Variants in SDK2 observed in about 807,000 individuals in gnomAD.
SDK2 encodes the protein protein sidekick-2.
Under a neutral mutation model 253.9 loss-of-function variants are expected in SDK2, and 105 were observed. That is an observed-to-expected ratio of 0.41 (90% confidence interval 0.35 to 0.49). The LOEUF (loss-of-function observed/expected upper bound fraction) is 0.49, where lower values mean the gene tolerates loss of function less well. SDK2 is among the 20% of genes least tolerant of loss of function. The pLI, the probability that SDK2 is intolerant of heterozygous loss-of-function variation, is 0.06. For synonymous variants in SDK2, 1,249 were observed against 1,234.9 expected, an observed-to-expected ratio of 1.01 and a Z score of -0.24; for missense variants, 2,608 against 3,003.0, an observed-to-expected ratio of 0.87 and a Z score of 3.07.
rs963328481 is a variant in SDK2, at chr17:73,541,169, C to G, written c.65-33572G>C. ...CCTCAGAGCAGCTGTGAGGACAGCT[C>G]TGGCTGGGGAGAGGCAGCTGGGCCC... is the stretch of plus-strand genomic sequence containing the variant. On this transcript the variant is annotated intron_variant, in intron 1 of 44. Coordinates refer to ENST00000392650, the MANE Select transcript of SDK2 (RefSeq NM_001144952.2). This position sits in a 1 kb window ranked among gnomAD's most constrained non-coding sequence, Gnocchi z 4.3. 6.6e-6 allele frequency among the ~76,000 whole-genome samples: 1 copy of G among 152,222 alleles called. No homozygotes were observed. Among genetic ancestry groups the G allele is most frequent in the South Asian group, 2.1e-4 (1 of 4,828 alleles).
chr17:73,501,221 AACACATACATGCATGTGCATGCAC>A (rs2063888454), intron 2 of SDK2, among the ~76,000 whole-genome samples: 1 of 137,312 alleles, frequency 7.3e-6, no homozygotes, highest in South Asian at 2.4e-4. Flanking sequence ...TACACACACA[AACACATACATGCATGTGCATGCAC>A]ACACACACAC....
intron 1 of SDK2, among the ~76,000 whole-genome samples, chr17:73,555,119 A>C (rs1277829877): frequency 6.6e-6 from 1 of 152,246 alleles, no homozygotes; most frequent in Non-Finnish European, 1.5e-5. Flanking sequence ...GTCTAGCTGC[A>C]TATGCAGCCC....
Position 73,338,600 on chromosome 17 carries a change from G to A in SDK2, c.6506C>T (p.Ser2169Leu). The A allele has an allele frequency of 1.3e-6, 2 of 1,518,696 alleles. No individual in the cohort carries two copies. Among genetic ancestry groups the A allele is most frequent in the Non-Finnish European group, 1.8e-6 (2 of 1,138,880 alleles). The allele number at this position is 1,518,696 out of a possible 1,614,324, so 94.1% of individuals were successfully genotyped here. The change falls in exon 45 of 45, where the codon TCA (serine) becomes TTA (leucine). Residue 2169 changes from serine (S) to leucine (L), a missense_variant. Physicochemically the swap from Ser to Leu is moderately radical, Grantham distance 145. Coordinates refer to ENST00000392650, the MANE Select transcript of SDK2 (RefSeq NM_001144952.2). This position sits in a 1 kb window ranked among gnomAD's most constrained non-coding sequence, Gnocchi z 5.0. ...CCTCTTCTGATGTCAAACAAATGAT[G>A]AAAATCCTGCTATGGGAGCCCGGGA... ...PGSRAPIAGF[S>L]SFV
chr17:73,487,765 G>A (rs2063778794), intron 2 of SDK2, among the ~76,000 whole-genome samples: 1 of 152,224 alleles, frequency 6.6e-6, no homozygotes, highest in South Asian at 2.1e-4. Context: ...GGGTCTAGGT[G>A]ATGACGGAGG....
chr17:73,456,844 C>T (rs1250528562), intron 3 of SDK2, among the ~76,000 whole-genome samples: 1 of 152,212 alleles, frequency 6.6e-6, no homozygotes, highest in Non-Finnish European at 1.5e-5. Context: ...CTAATTCCAA[C>T]ACGGAGGCTT....
chr17:73,628,529 C>T (rs1316590266), intron 1 of SDK2, among the ~76,000 whole-genome samples: 2 of 152,342 alleles, frequency 1.3e-5, no homozygotes, highest in Admixed American at 6.5e-5. Flanking sequence ...GCTCCTGATC[C>T]GGGAGCTGAC....
chr17:73,535,463 C>T (rs761646464), intron 1 of SDK2, among the ~76,000 whole-genome samples: 17 of 152,140 alleles, frequency 1.1e-4, no homozygotes, highest in African/African-American at 3.4e-4. Flanking sequence ...TTCTGCAGTC[C>T]GGCTGCCTCC....
At position 73,514,089 on chromosome 17, in the gene SDK2, T is replaced by A. The variant is rs553333071; in HGVS notation, c.65-6492A>T. 3.3e-5 allele frequency among the ~76,000 whole-genome samples: 5 copies of A among 152,310 alleles called. No individual in the cohort carries two copies. The East Asian group carries it at 9.7e-4, about 29-fold the overall frequency. ...CTATGATCAGATATATGTATACATG[T>A]GCATACGTGTATGTGAGTGTGCATG... On this transcript the variant is annotated intron_variant, in intron 1 of 44. Coordinates refer to ENST00000392650, the MANE Select transcript of SDK2 (RefSeq NM_001144952.2).
In SDK2 at chr17:73,379,269, C is replaced by T. The variant is rs762632405; in HGVS notation, c.4888G>A (p.Val1630Met). ...EAVPTAAPRN[V>M]VVHGATATQL... ...GTGGCCGTGGCGCCGTGGACGACCACGTTACGAGGTGCTGCTGTGGGCACT... is the reference window on the plus strand; with the variant it reads ...GTGGCCGTGGCGCCGTGGACGACCATGTTACGAGGTGCTGCTGTGGGCACT... The change falls in exon 36 of 45, where the codon GTG becomes ATG. Residue 1630 changes from valine to methionine, a missense_variant. Coordinates refer to ENST00000392650, the MANE Select transcript of SDK2 (RefSeq NM_001144952.2). This position sits in a 1 kb window ranked among gnomAD's most constrained non-coding sequence, Gnocchi z 4.5. 12 of 1,551,422 alleles carry T rather than the reference C, an allele frequency of 7.7e-6. No individual in the cohort carries two copies. Among genetic ancestry groups the T allele is most frequent in the Admixed American group, 5.9e-5 (3 of 51,158 alleles).
intron 1 of SDK2, among the ~76,000 whole-genome samples, chr17:73,536,712 G>A (rs2044779983): frequency 1.3e-5 from 2 of 152,222 alleles, no homozygotes; most frequent in African/African-American, 4.8e-5. Flanking sequence ...TGCACAACTA[G>A]TTTCTGCCTC....
intron 1 of SDK2, among the ~76,000 whole-genome samples, chr17:73,594,608 A>G (rs1251482786): frequency 6.6e-6 from 1 of 152,012 alleles, no homozygotes; most frequent in Admixed American, 6.6e-5. Context: ...ACACACACAC[A>G]CAACACATAC....
At chr17:73,355,974 G>A (rs2062589208) in intron 40 of SDK2, among the ~76,000 whole-genome samples, 1 of 152,080 alleles carries the variant, frequency 6.6e-6, no homozygotes, top group African/African-American at 2.4e-5. Context: ...TGGCACTTAC[G>A]CCTCTGTCAA....
rs16977636 is a variant in SDK2 at position 73,435,457 on chromosome 17, A to G, written c.1188T>C (p.Ala396=). ...AGGGAAGGCCCAACTTACTGGTGACAGCCAGGTAGGTGGAAGTTTGCACCT... is the reference window on the plus strand; with the variant it reads ...AGGGAAGGCCCAACTTACTGGTGACGGCCAGGTAGGTGGAAGTTTGCACCT... The part of the protein sequence containing the change: ...AGEVQTSTYL[A]VTSIAPNITR... Residue 396 remains alanine, a synonymous_variant, in exon 9 of 45, where the codon GCT becomes GCC. Transcript: ENST00000392650. The surrounding 1 kb of genome is among the most constrained non-coding windows in gnomAD (Gnocchi z 5.7). 6.7e-4 allele frequency: 1,065 copies of G among 1,591,714 alleles called. 4 individuals are homozygous for G. In the African/African-American group the frequency reaches 0.013, roughly 19 times the overall value.
chr17:73,447,517 C>A lies in SDK2; in HGVS notation c.613+98G>T, dbSNP rs2145643980. The stretch of plus-strand genomic sequence containing the variant: ...GCCGTCCCCTAGCTTCCCTGTCCCC[C>A]TCCTCTGCCACTCCATCTTCCCAAT... On this transcript the variant is annotated intron_variant, in intron 5 of 44. Coordinates refer to ENST00000392650, the MANE Select transcript of SDK2 (RefSeq NM_001144952.2). The surrounding 1 kb of genome is among the most constrained non-coding windows in gnomAD (Gnocchi z 4.0). 2 of 1,498,514 alleles carry A rather than the reference C, an allele frequency of 1.3e-6. No homozygotes were observed. Among genetic ancestry groups the A allele is most frequent in the East Asian group, 5.0e-5 (2 of 40,336 alleles). 92.8% of individuals were successfully genotyped at this position (1,498,514 alleles called of 1,614,324 possible). A position where few individuals can be genotyped will look rare whatever the true frequency, so the allele number is the denominator to read the frequency against.
At chr17:73,507,956 G>T (rs182728918) in intron 1 of SDK2, among the ~76,000 whole-genome samples, 98 of 152,338 alleles carry the variant, frequency 6.4e-4, no homozygotes, top group African/African-American at 2.3e-3. Flanking sequence ...GGCAAGAGGG[G>T]CACTTTCTGT....
chr17:73,540,663 A>G (rs1444035281), intron 1 of SDK2, among the ~76,000 whole-genome samples: 2 of 152,194 alleles, frequency 1.3e-5, no homozygotes, highest in Non-Finnish European at 2.9e-5. Context: ...GCTTTCACCA[A>G]AAGGTCCTTG....
At chr17:73,490,580 T>C (rs2063799313) in intron 2 of SDK2, among the ~76,000 whole-genome samples, 1 of 136,692 alleles carries the variant, frequency 7.3e-6, no homozygotes, top group Non-Finnish European at 1.5e-5. Context: ...CAGGCTGGAG[T>C]GCAGTGGGGT....
intron 44 of SDK2, among the ~76,000 whole-genome samples, chr17:73,341,426 C>A (rs575913172): frequency 1.3e-5 from 2 of 151,766 alleles, no homozygotes; most frequent in African/African-American, 4.8e-5. Context: ...AACAGATGGG[C>A]CCCCCCTCAG....
At chr17:73,424,874 A>G (rs1254866994) in intron 12 of SDK2, among the ~76,000 whole-genome samples, 1 of 152,200 alleles carries the variant, frequency 6.6e-6, no homozygotes, top group East Asian at 1.9e-4. Flanking sequence ...GGGTTTACAT[A>G]ATGTCAGATA....
Sources: allele counts gnomAD v4.1 joint callset (sites outside exome capture counted in the v4.1 genomes callset), GRCh38; gene constraint gnomAD v4.1.1; non-coding constraint Gnocchi (gnomAD v3.1); transcripts MANE v1.5; gene names NCBI Gene and HGNC (gene_info 2026-07-23, HGNC 2026-07-21).